SAMD8: variants seen among roughly 807,000 people sequenced by gnomAD.
SAMD8 encodes the protein sterile alpha motif domain containing 8, also known as sphingomyelin synthase-related protein 1.
A neutral mutation model predicts 42.0 loss-of-function variants in SAMD8; 20 were observed. The ratio of observed to expected loss-of-function variants is 0.48; its 90% CI spans 0.34 to 0.69. SAMD8 has a LOEUF of 0.69. SAMD8 is among the 30% of genes least tolerant of loss of function. The pLI is 0.01. For synonymous variants in SAMD8, 162 were observed against 173.0 expected, an observed-to-expected ratio of 0.94 and a Z score of 0.50; for missense variants, 328 against 511.6, an observed-to-expected ratio of 0.64 and a Z score of 3.46.
chr10:75,161,018 C>T (rs754692427), intron 2 of SAMD8, among the ~76,000 whole-genome samples: 4 of 152,094 alleles, frequency 2.6e-5, no homozygotes, highest in Admixed American at 6.6e-5. Flanking sequence ...CAGTTAGCCG[C>T]GATTGCGCCA....
At chr10:75,134,668 G>A (rs757153863) in intron 1 of SAMD8, among the ~76,000 whole-genome samples, 2 of 152,020 alleles carry the variant, frequency 1.3e-5, no homozygotes, top group Admixed American at 6.6e-5. Context: ...GATGAGAAGC[G>A]TAACTGGTTT....
At chr10:75,155,425 CAGAG>C (rs1378573878) in intron 2 of SAMD8, among the ~76,000 whole-genome samples, 1 of 145,138 alleles carries the variant, frequency 6.9e-6, no homozygotes, top group Non-Finnish European at 1.5e-5. Context: ...TGGGAATGGG[CAGAG>C]AGAGAGAACA....
At chr10:75,159,947 A>G (rs1324415253) in intron 2 of SAMD8, among the ~76,000 whole-genome samples, 1 of 152,238 alleles carries the variant, frequency 6.6e-6, no homozygotes, top group African/African-American at 2.4e-5. Flanking sequence ...TTCAGCATAT[A>G]GAAACAGAAA....
intron 1 of SAMD8, among the ~76,000 whole-genome samples, chr10:75,124,763 TCA>T (rs1471538394): frequency 6.6e-6 from 1 of 152,014 alleles, no homozygotes; most frequent in Admixed American, 6.6e-5. Context: ...CCATCCTGTC[TCA>T]CAATCTGTTT....
chr10:75,133,214 A>C (rs187186082), intron 1 of SAMD8, among the ~76,000 whole-genome samples: 222 of 147,674 alleles, frequency 1.5e-3, no homozygotes, highest in Non-Finnish European at 2.6e-3. Flanking sequence ...CAACCTGGGC[A>C]GCATGGCAAA....
At chr10:75,164,889 C>A in intron 3 of SAMD8, 149 bp downstream of exon 3, 1 of 640,806 alleles carries the variant, frequency 1.6e-6, no homozygotes. Context: ...TGAGTTTGAT[C>A]AGTAAGAGTC....
chr10:75,177,967 T>C lies in SAMD8; in HGVS notation c.*1275T>C, dbSNP rs1417347133. 6.6e-6 allele frequency: 1 copy of C among 152,262 alleles called. No homozygotes were observed. Among genetic ancestry groups the C allele is most frequent in the Non-Finnish European group, 1.5e-5 (1 of 68,036 alleles). The allele number at this position is 152,262 out of a possible 1,614,324, so 9.4% of individuals were successfully genotyped here. A position where few individuals can be genotyped will look rare whatever the true frequency, so the allele number is the denominator to read the frequency against. ...AATTGGAATTTAAACTCCCAACTAATGAGCTTAAGCTGCTTGGAATATTAA... is the reference window on the plus strand; with the variant it reads ...AATTGGAATTTAAACTCCCAACTAACGAGCTTAAGCTGCTTGGAATATTAA... On this transcript the variant is annotated 3_prime_UTR_variant, in exon 6 of 6. Transcript: ENST00000542569.
intron 1 of SAMD8, among the ~76,000 whole-genome samples, chr10:75,140,092 T>TA (rs1487714317): frequency 6.6e-6 from 1 of 152,260 alleles, no homozygotes; most frequent in Admixed American, 6.5e-5. Flanking sequence ...GAAAATCAGA[T>TA]ATCTATATAT....
Position 75,176,130 on chromosome 10 carries a change from C to T in SAMD8, c.857C>T (p.Thr286Ile). The change falls in exon 5 of 6, where the codon ACC (threonine) becomes ATC (isoleucine). Residue 286 changes from threonine (T) to isoleucine (I), a missense_variant. Around this residue, in one of 2 missense-constraint regions of SAMD8, gnomAD observed 178 missense variants for 325.6 expected, o/e 0.55. Transcript: ENST00000542569. This position sits in a 1 kb window ranked among gnomAD's most constrained non-coding sequence, Gnocchi z 4.3. ...GCCATTTGGAGTGGCTTTGGTATGACCCTGACTGGCGTTCACACATGTGGA... is the reference window on the plus strand; with the variant it reads ...GCCATTTGGAGTGGCTTTGGTATGATCCTGACTGGCGTTCACACATGTGGA... ...AFAIWSGFGM[T>I]LTGVHTCGDY... 6.2e-7 allele frequency: 1 copy of T among 1,614,144 alleles called. No homozygotes were observed. The highest frequency in any genetic ancestry group is 8.5e-7 in the Non-Finnish European group (1 of 1,180,020).
rs900922056 is a variant in SAMD8 at position 75,111,672 on chromosome 10, T to C, written c.-66T>C. On this transcript the variant is annotated 5_prime_UTR_variant, in exon 1 of 6. Coordinates refer to ENST00000542569, the MANE Select transcript of SAMD8 (RefSeq NM_001174156.2). ...GAGGGCCCCGGACTCCGACGGCGGC[T>C]CGGACGCCGACTCGGAGGTGGGTCC... 8.1e-7 allele frequency: 1 copy of C among 1,239,430 alleles called. No individual in the cohort carries two copies. The highest frequency in any genetic ancestry group is 4.2e-5 in the Admixed American group (1 of 23,732). The allele number at this position is 1,239,430 out of a possible 1,614,324, so 76.8% of individuals were successfully genotyped here. A position where few individuals can be genotyped will look rare whatever the true frequency, so the allele number is the denominator to read the frequency against.
At chr10:75,151,213 C>G in intron 2 of SAMD8, 107 bp downstream of exon 2, 10 of 558,286 alleles carry the variant, frequency 1.8e-5, no homozygotes, top group Non-Finnish European at 2.9e-5. Flanking sequence ...TAGATGTATA[C>G]TTTCCATTTG....
intron 1 of SAMD8, among the ~76,000 whole-genome samples, chr10:75,102,184 G>A (rs1046370506): frequency 7.9e-5 from 12 of 152,236 alleles, no homozygotes; most frequent in African/African-American, 2.9e-4. Flanking sequence ...TATGTTGATA[G>A]TGGGAGAAGG....
At chr10:75,132,705 T>C (rs1442573608) in intron 1 of SAMD8, among the ~76,000 whole-genome samples, 1 of 152,174 alleles carries the variant, frequency 6.6e-6, no homozygotes, top group African/African-American at 2.4e-5. Flanking sequence ...GATTTTTTTT[T>C]TTGCCAGCTA....
intron 1 of SAMD8, chr10:75,102,043 A>G: frequency 6.3e-6 from 7 of 1,111,464 alleles, no homozygotes; most frequent in Non-Finnish European, 8.6e-6. Context: ...CAACTTGTCC[A>G]CTGGTTCCAT....
At chr10:75,113,809 T>C (rs993873017) in intron 1 of SAMD8, among the ~76,000 whole-genome samples, 9 of 152,228 alleles carry the variant, frequency 5.9e-5, no homozygotes, top group African/African-American at 1.9e-4. Flanking sequence ...GTTTTATCTT[T>C]AGAGTGAGAT....
At chr10:75,140,633 T>A (rs774793742) in intron 1 of SAMD8, among the ~76,000 whole-genome samples, 8 of 152,342 alleles carry the variant, frequency 5.3e-5, no homozygotes, top group Middle Eastern at 3.4e-3. Context: ...AGCTGCTGAT[T>A]TTTGGGAAAA....
At chr10:75,164,386 CTTTT>C (rs201084641) in intron 2 of SAMD8, 27 of 269,524 alleles carry the variant, frequency 1.0e-4, no homozygotes, top group Middle Eastern at 1.8e-3. Flanking sequence ...GTTGCCACTT[CTTTT>C]TTTTTTTTTT....
At chr10:75,140,352 G>A (rs1269031559) in intron 1 of SAMD8, among the ~76,000 whole-genome samples, 1 of 152,100 alleles carries the variant, frequency 6.6e-6, no homozygotes, top group Non-Finnish European at 1.5e-5. Flanking sequence ...TGATCCACCC[G>A]CCTCTGCCTC....
At chr10:75,163,765 C>T (rs1465096596) in intron 2 of SAMD8, among the ~76,000 whole-genome samples, 1 of 152,078 alleles carries the variant, frequency 6.6e-6, no homozygotes, top group Non-Finnish European at 1.5e-5. Context: ...TTCTTTTTCT[C>T]TCCCTCTCTC....
Sources: allele counts gnomAD v4.1 joint callset (sites outside exome capture counted in the v4.1 genomes callset), GRCh38; gene constraint gnomAD v4.1.1; regional missense constraint gnomAD v4.1.1; non-coding constraint Gnocchi (gnomAD v3.1); transcripts MANE v1.5; gene names NCBI Gene and HGNC (gene_info 2026-07-23, HGNC 2026-07-21).